Variants in GALNTL6 observed in about 807,000 individuals in gnomAD.
GALNTL6 encodes polypeptide N-acetylgalactosaminyltransferase-like 6.
Under a neutral mutation model 73.7 loss-of-function variants are expected in GALNTL6, and 46 were observed. That is an observed-to-expected ratio of 0.62 (90% CI 0.49 to 0.80). GALNTL6 has a LOEUF of 0.80. GALNTL6 is among the 30% of genes least tolerant of loss of function. GALNTL6 has a pLI of 0.00. For missense variants in GALNTL6, 604 were observed against 755.0 expected, an observed-to-expected ratio of 0.80 and a Z score of 2.34; for synonymous variants, 259 against 263.7, an observed-to-expected ratio of 0.98 and a Z score of 0.17.
chr4:172,338,986 T>G (rs1437120787), intron 4 of GALNTL6, among the ~76,000 whole-genome samples: 1 of 152,100 alleles, frequency 6.6e-6, no homozygotes, highest in Non-Finnish European at 1.5e-5. Context: ...TCACTTCACA[T>G]GGTCTCTCCA....
At chr4:172,561,623 A>T (rs1195039084) in intron 5 of GALNTL6, among the ~76,000 whole-genome samples, 1 of 152,148 alleles carries the variant, frequency 6.6e-6, no homozygotes, top group Non-Finnish European at 1.5e-5. Flanking sequence ...AGTCAGAAAA[A>T]GTTTTCTACG....
At position 172,213,124 on chromosome 4, in the gene GALNTL6, G is replaced by A. The variant is rs76382968; in HGVS notation, c.139-16532G>A. Among the ~76,000 whole-genome samples the A allele has an allele frequency of 3.3e-3, 500 of 151,548 alleles. 1 individual carries two copies. The highest frequency in any genetic ancestry group is 0.011 in the African/African-American group (466 of 41,328). On this transcript the variant is annotated intron_variant, in intron 2 of 12. Coordinates refer to ENST00000506823, the MANE Select transcript of GALNTL6 (RefSeq NM_001034845.3). ...CTTTTTTTTTGTGGTTTCATAGTTC[G>A]TTTTTATTAATCACTAGATAATATT... is the stretch of plus-strand genomic sequence containing the variant.
chr4:172,401,508 A>G (rs1228479446), intron 5 of GALNTL6, among the ~76,000 whole-genome samples: 1 of 152,162 alleles, frequency 6.6e-6, no homozygotes, highest in Non-Finnish European at 1.5e-5. Context: ...ATGTCTCACC[A>G]TAAAAAATTT....
At chr4:172,979,401 G>A (rs1466158148) in intron 10 of GALNTL6, among the ~76,000 whole-genome samples, 1 of 152,142 alleles carries the variant, frequency 6.6e-6, no homozygotes, top group Admixed American at 6.5e-5. Flanking sequence ...GATAGAAGTT[G>A]CAAGTTACAT....
intron 10 of GALNTL6, among the ~76,000 whole-genome samples, chr4:172,983,419 G>A (rs535288956): frequency 2.6e-5 from 4 of 152,338 alleles, no homozygotes; most frequent in African/African-American, 9.6e-5. Flanking sequence ...TAATGGACAG[G>A]TGCGGTGGCT....
intron 5 of GALNTL6, among the ~76,000 whole-genome samples, chr4:172,490,781 T>C (rs994393300): frequency 1.2e-4 from 18 of 152,242 alleles, no homozygotes; most frequent in African/African-American, 4.3e-4. Flanking sequence ...GTTCAATGTC[T>C]TTGCTGAAAC....
intron 8 of GALNTL6, among the ~76,000 whole-genome samples, chr4:172,894,322 G>A (rs988639491): frequency 1.3e-5 from 2 of 151,998 alleles, no homozygotes; most frequent in African/African-American, 4.8e-5. Flanking sequence ...TATTTTTTAT[G>A]TAGGCATTTA....
In GALNTL6 at chr4:172,916,337, A is replaced by G. The variant is rs551431620; in HGVS notation, c.1042-14824A>G. 1.5e-3 allele frequency among the ~76,000 whole-genome samples: 224 copies of G among 152,336 alleles called. 1 individual carries two copies. The highest frequency in any genetic ancestry group is 6.8e-3 in the Middle Eastern group (2 of 294). Reference sequence around the variant, plus strand: ...AAGCATTCCCTTTGAAAACTGGCACAAGACAGGGATGCCCTCTCTCACCAC... The same window carrying G: ...AAGCATTCCCTTTGAAAACTGGCACGAGACAGGGATGCCCTCTCTCACCAC... On this transcript the variant is annotated intron_variant, in intron 8 of 12. Coordinates refer to ENST00000506823, the MANE Select transcript of GALNTL6 (RefSeq NM_001034845.3).
intron 2 of GALNTL6, among the ~76,000 whole-genome samples, chr4:172,075,626 C>T (rs1397958979): frequency 6.6e-6 from 1 of 152,084 alleles, no homozygotes; most frequent in Non-Finnish European, 1.5e-5. Context: ...TGAGCCACCG[C>T]GCCCGGCCCC....
intron 5 of GALNTL6, among the ~76,000 whole-genome samples, chr4:172,713,222 A>AAAGATGTGTGTG (rs565361225): frequency 7.2e-6 from 1 of 139,132 alleles, no homozygotes; most frequent in Non-Finnish European, 1.6e-5. Flanking sequence ...AAAGAATAAG[A>AAAGATGTGTGTG]TGTGTGTGTG....
intron 5 of GALNTL6, among the ~76,000 whole-genome samples, chr4:172,645,664 A>G (rs548562700): frequency 2.0e-5 from 3 of 152,040 alleles, no homozygotes; most frequent in South Asian, 4.1e-4. Context: ...AAAGCATACA[A>G]ATTTAATATG....
chr4:172,645,120 A>C (rs915734775), intron 5 of GALNTL6, among the ~76,000 whole-genome samples: 1 of 151,982 alleles, frequency 6.6e-6, no homozygotes. Flanking sequence ...GGATTTGTCT[A>C]TTACAAATAT....
chr4:171,921,474 C>T (rs1180819179), intron 2 of GALNTL6, among the ~76,000 whole-genome samples: 2 of 152,012 alleles, frequency 1.3e-5, no homozygotes, highest in Non-Finnish European at 2.9e-5. Context: ...TGCATTAGCA[C>T]ACAGTCACAG....
intron 5 of GALNTL6, among the ~76,000 whole-genome samples, chr4:172,377,160 T>G (rs1158101052): frequency 6.6e-6 from 1 of 152,164 alleles, no homozygotes. Context: ...TACGGAGAGC[T>G]GATTGGTCCA....
At chr4:171,840,072 T>C (rs1047036667) in intron 2 of GALNTL6, among the ~76,000 whole-genome samples, 3 of 152,176 alleles carry the variant, frequency 2.0e-5, no homozygotes, top group Admixed American at 2.0e-4. Flanking sequence ...CGGCCAGGGA[T>C]ATTTACTTTC....
At chr4:171,991,726 GTGTGTA>G (rs199816309) in intron 2 of GALNTL6, among the ~76,000 whole-genome samples, 14 of 29,688 alleles carry the variant, frequency 4.7e-4, no homozygotes, top group East Asian at 1.4e-3. Context: ...GTGTGTGTGT[GTGTGTA>G]TATATATATA....
At chr4:172,113,662 A>T (rs1732914794) in intron 2 of GALNTL6, among the ~76,000 whole-genome samples, 1 of 152,062 alleles carries the variant, frequency 6.6e-6, no homozygotes, top group Non-Finnish European at 1.5e-5. Flanking sequence ...TGCCTTATAA[A>T]ATACCTTGCA....
chr4:172,942,495 G>A (rs796291335), intron 9 of GALNTL6, among the ~76,000 whole-genome samples: 26 of 152,092 alleles, frequency 1.7e-4, no homozygotes, highest in African/African-American at 5.1e-4. Context: ...AAATAAGGTC[G>A]TACTTCATTT....
chr4:172,122,927 A>G (rs1733192764), intron 2 of GALNTL6, among the ~76,000 whole-genome samples: 1 of 152,254 alleles, frequency 6.6e-6, no homozygotes, highest in Non-Finnish European at 1.5e-5. Flanking sequence ...ATAGTAGGTA[A>G]TAAGAACTCT....
Sources: gnomAD v4.1 joint callset for allele counts (sites outside exome capture counted in the v4.1 genomes callset) on GRCh38, gnomAD v4.1.1 for gene constraint, MANE v1.5 for transcripts, NCBI Gene and HGNC (gene_info 2026-07-23, HGNC 2026-07-21) for gene names.